Variants in RNF125 observed in about 807,000 individuals in gnomAD.
RNF125 encodes ring finger protein 125.
RNF125 carries 21 observed loss-of-function variants against 26.0 expected under a neutral mutation model. That is an observed-to-expected ratio of 0.81 (90% confidence interval 0.57 to 1.16). RNF125 has a LOEUF of 1.16. Among genes scored for constraint, RNF125 ranks in the 50% most tolerant of loss-of-function variants. The probability of loss-of-function intolerance (pLI) is 0.00; values close to 1 mark genes in which losing one functional copy is unlikely to be tolerated. For missense variants in RNF125, 270 were observed against 299.4 expected, an observed-to-expected ratio of 0.90 and a Z score of 0.72; for synonymous variants, 95 against 109.2, an observed-to-expected ratio of 0.87 and a Z score of 0.81.
chr18:32,082,388 TA>T, the RNF125 span, among the ~76,000 whole-genome samples: 1 of 152,128 alleles, frequency 6.6e-6, no homozygotes, highest in East Asian at 1.9e-4. Flanking sequence ...GTATTTATAT[TA>T]TATGTATGTT....
At chr18:32,032,912 A>C (rs2039113098) in intron 1 of RNF125, among the ~76,000 whole-genome samples, 1 of 152,176 alleles carries the variant, frequency 6.6e-6, no homozygotes, top group Non-Finnish European at 1.5e-5. Context: ...TTCATTTGAT[A>C]CTCTGAACAA....
At chr18:32,024,091 A>G (rs548278805) in intron 1 of RNF125, among the ~76,000 whole-genome samples, 4 of 151,684 alleles carry the variant, frequency 2.6e-5, no homozygotes, top group East Asian at 3.9e-4. Flanking sequence ...AGTTTTATCT[A>G]TATCTTTTTT....
chr18:32,055,018 C>T (rs1428922132), intron 4 of RNF125, among the ~76,000 whole-genome samples: 2 of 152,122 alleles, frequency 1.3e-5, no homozygotes, highest in East Asian at 3.9e-4. Flanking sequence ...GAATTTAGGC[C>T]AGCTGCAGTG....
At chr18:32,088,592 T>A in the RNF125 span, among the ~76,000 whole-genome samples, 1 of 152,166 alleles carries the variant, frequency 6.6e-6, no homozygotes, top group Non-Finnish European at 1.5e-5. Flanking sequence ...AACTTCTGCC[T>A]CCTGGGTTCA....
At chr18:32,076,057 A>C, downstream of RNF125, 1 of 717,182 alleles carries the variant, frequency 1.4e-6, no homozygotes, top group Non-Finnish European at 2.6e-6. Context: ...GGGGCTAATC[A>C]CTCTACACTT....
chr18:32,020,157 CCTGCCT>C (rs1328392953), intron 1 of RNF125, among the ~76,000 whole-genome samples: 2 of 152,116 alleles, frequency 1.3e-5, no homozygotes, highest in East Asian at 3.9e-4. Flanking sequence ...AAGTGAGTCT[CCTGCCT>C]CAGCCTCCCG....
At chr18:32,076,224 C>A, downstream of RNF125, 2 of 458,100 alleles carry the variant, frequency 4.4e-6, no homozygotes. Flanking sequence ...CTCTTTTTGG[C>A]ATTGTTGATG....
rs1203638434 is a variant in RNF125, at chr18:32,037,189, C to T, written c.238C>T (p.Pro80Ser). Residue 80 changes from proline (P) to serine (S), a missense_variant, in exon 2 of 6, where the codon CCT (proline) becomes TCT (serine). Physicochemically the swap from Pro to Ser is moderately conservative, Grantham distance 74. Transcript: ENST00000217740. ...WTCPYCRAYL[P>S]SEGVPATDVA... ...CTGTCCTTATTGCCGGGCATATCTT[C>T]CTTCAGAAGGAGTTCCAGCAACTGA... 6 of 1,605,534 alleles carry T rather than the reference C, an allele frequency of 3.7e-6. No homozygotes were observed. The highest frequency in any genetic ancestry group is 5.1e-6 in the Non-Finnish European group (6 of 1,177,128).
chr18:32,080,171 G>T, the RNF125 span, among the ~76,000 whole-genome samples: 5 of 152,182 alleles, frequency 3.3e-5, no homozygotes, highest in Non-Finnish European at 7.3e-5. Context: ...TGGGATTACA[G>T]GCACGCGCCA....
chr18:32,053,185 A>G (rs2039345337), intron 4 of RNF125, among the ~76,000 whole-genome samples: 1 of 152,080 alleles, frequency 6.6e-6, no homozygotes, highest in African/African-American at 2.4e-5. Context: ...CAACATGGAG[A>G]AACCCCGTTT....
downstream of RNF125, among the ~76,000 whole-genome samples, chr18:32,077,139 T>C: frequency 6.6e-6 from 1 of 152,228 alleles, no homozygotes; most frequent in East Asian, 1.9e-4. Context: ...GTCTAATCTA[T>C]CATGAGACCT....
intron 4 of RNF125, among the ~76,000 whole-genome samples, chr18:32,046,763 G>A (rs929223508): frequency 6.6e-6 from 1 of 152,062 alleles, no homozygotes; most frequent in Non-Finnish European, 1.5e-5. Context: ...TATTCATTGT[G>A]AATGATGCTT....
intron 4 of RNF125, among the ~76,000 whole-genome samples, chr18:32,048,452 A>C (rs2039294289): frequency 7.4e-6 from 1 of 135,140 alleles, no homozygotes; most frequent in African/African-American, 2.8e-5. Flanking sequence ...AAACCCAAAA[A>C]AACCTGTCTC....
chr18:32,052,848 A>T (rs2039342028), intron 4 of RNF125, among the ~76,000 whole-genome samples: 1 of 152,212 alleles, frequency 6.6e-6, no homozygotes, highest in African/African-American at 2.4e-5. Flanking sequence ...AACTTGATAG[A>T]ACATGCTGTT....
At chr18:32,084,029 T>C in the RNF125 span, among the ~76,000 whole-genome samples, 1 of 151,810 alleles carries the variant, frequency 6.6e-6, no homozygotes, top group African/African-American at 2.4e-5. Context: ...GAAAGATCTT[T>C]TAGCTTCAAA....
At chr18:32,066,536 A>C (rs2039487116) in intron 5 of RNF125, among the ~76,000 whole-genome samples, 1 of 152,192 alleles carries the variant, frequency 6.6e-6, no homozygotes, top group Non-Finnish European at 1.5e-5. Flanking sequence ...AATTTTCTCC[A>C]TGCTTTCTAT....
chr18:32,045,127 A>G (rs182403841), intron 3 of RNF125, among the ~76,000 whole-genome samples: 200 of 151,380 alleles, frequency 1.3e-3, no homozygotes, highest in Non-Finnish European at 2.3e-3. Flanking sequence ...CCAAAAAAAA[A>G]AAATAGAAAG....
chr18:32,088,727 T>C, the RNF125 span, among the ~76,000 whole-genome samples: 1 of 152,202 alleles, frequency 6.6e-6, no homozygotes, highest in Non-Finnish European at 1.5e-5. Flanking sequence ...CACGAACTCC[T>C]GACCTCAAGT....
At chr18:32,077,351 T>TG, downstream of RNF125, among the ~76,000 whole-genome samples, 1 of 148,468 alleles carries the variant, frequency 6.7e-6, no homozygotes, top group South Asian at 2.1e-4. Flanking sequence ...TTTTTTTTTT[T>TG]TTTTTTGAGA....
Sources: gnomAD v4.1 joint callset for allele counts (sites outside exome capture counted in the v4.1 genomes callset) on GRCh38, gnomAD v4.1.1 for gene constraint, MANE v1.5 for transcripts, NCBI Gene and HGNC (gene_info 2026-07-23, HGNC 2026-07-21) for gene names.